The following ABTB1 variants were observed in gnomAD, a reference collection of about 807,000 sequenced individuals.
The protein encoded by ABTB1 is ankyrin repeat and BTB domain containing 1.
ABTB1 carries 45 observed loss-of-function variants against 57.1 expected under a neutral mutation model. The ratio of observed to expected loss-of-function variants is 0.79; its 90% CI spans 0.62 to 1.01. ABTB1 has a LOEUF of 1.01. Ranked by LOEUF, ABTB1 falls within the 50% of genes least tolerant of loss-of-function variation. The pLI, the probability that ABTB1 is intolerant of heterozygous loss-of-function variation, is 0.00. For synonymous variants in ABTB1, 302 were observed against 275.4 expected, an observed-to-expected ratio of 1.10 and a Z score of -0.95; for missense variants, 630 against 666.3, an observed-to-expected ratio of 0.95 and a Z score of 0.60.
rs758918781 is a variant in ABTB1 at position 127,677,765 on chromosome 3, C to T, written c.951C>T (p.Pro317=). 11 of 1,612,224 alleles carry T rather than the reference C, an allele frequency of 6.8e-6. No homozygotes were observed. The highest frequency in any genetic ancestry group is 9.3e-6 in the Non-Finnish European group (11 of 1,179,390). ...AGGAGCCAGCGACCTCAGGGGGCCC[C>T]CCAGCCGTCACCCTGCATGGCATCT... ...ESEEPATSGG[P]PAVTLHGISP... The change falls in exon 10 of 12, where the codon CCC becomes CCT. Residue 317 remains proline, a synonymous_variant. Transcript: ENST00000232744.
At chr3:127,677,922 G>T (rs1385893445) in intron 10 of ABTB1, 79 bp downstream of exon 10, 7 of 1,523,734 alleles carry the variant, frequency 4.6e-6, no homozygotes, top group Non-Finnish European at 4.4e-6. Flanking sequence ...GGCCCTGGGG[G>T]TCTGTGGAAG....
rs1559887938 is a variant in ABTB1, at chr3:127,677,496, C to T, written c.794C>T (p.Pro265Leu). Residue 265 changes from proline (P) to leucine (L), a missense_variant, in exon 9 of 12, where the codon CCT (proline) becomes CTT (leucine). Pro to Leu is a moderately conservative substitution (Grantham distance 98). This residue lies in a region of ABTB1 where 579 missense variants were observed against 585.9 expected (regional missense o/e 0.99). Transcript: ENST00000232744. ...GDLWELPFPC[P>L]DGFNSCPDIC... Reference sequence around the variant, plus strand: ...CTTTGGGAGCTGCCCTTCCCTTGTCCTGACGGCTTCAACAGCTGCCCTGAC... The same window carrying T: ...CTTTGGGAGCTGCCCTTCCCTTGTCTTGACGGCTTCAACAGCTGCCCTGAC... 6.2e-7 allele frequency: 1 copy of T among 1,614,140 alleles called. No homozygotes were observed. Among genetic ancestry groups the T allele is most frequent in the African/African-American group, 1.3e-5 (1 of 75,040 alleles).
rs35237193 is a variant in ABTB1 at position 127,677,226 on chromosome 3, C to T, written c.702C>T (p.Asp234=). ...TGACCATCGAGCCCCCACCTGCAGACCCCCGCCTCCGGGAGGACATGGCGC... is the reference window on the plus strand; with the variant it reads ...TGACCATCGAGCCCCCACCTGCAGATCCCCGCCTCCGGGAGGACATGGCGC... The part of the protein sequence containing the change: ...KVLTIEPPPA[D]PRLREDMALL... The change falls in exon 8 of 12, where the codon GAC becomes GAT. Residue 234 remains aspartate (D), a synonymous_variant. Transcript: ENST00000232744. 6.7e-4 allele frequency: 1,072 copies of T among 1,606,252 alleles called. 14 individuals carry two copies. In the African/African-American group the frequency reaches 0.013, roughly 19 times the overall value.
intron 8 of ABTB1, 55 bp from the exon 9 acceptor site, chr3:127,677,410 G>A: frequency 6.3e-7 from 1 of 1,598,070 alleles, no homozygotes; most frequent in East Asian, 2.2e-5. Flanking sequence ...TCTGAACCTA[G>A]TCGTTCACTT....
rs748080485 is a variant in ABTB1, at chr3:127,680,649, C to T, written c.*174C>T. ...GAGCCTGGAGACCCCAGGGGAGGATCCATTTGGGATGAGCCCCCTCCCCCC... is the reference window on the plus strand; with the variant it reads ...GAGCCTGGAGACCCCAGGGGAGGATTCATTTGGGATGAGCCCCCTCCCCCC... On this transcript the variant is annotated 3_prime_UTR_variant, in exon 12 of 12. Coordinates refer to ENST00000232744, the MANE Select transcript of ABTB1 (RefSeq NM_172027.3). 1 of 859,578 alleles carries T rather than the reference C, an allele frequency of 1.2e-6. No individual in the cohort carries two copies. Among genetic ancestry groups the T allele is most frequent in the Non-Finnish European group, 1.9e-6 (1 of 524,060 alleles). The allele number at this position is 859,578 out of a possible 1,614,324, so 53.2% of individuals were successfully genotyped here. A position where few individuals can be genotyped will look rare whatever the true frequency, so the allele number is the denominator to read the frequency against.
At position 127,680,339 on chromosome 3, in the gene ABTB1, C is replaced by T. The variant is rs766497757; in HGVS notation, c.1301C>T (p.Thr434Met). ...EAAAVAARQE[T>M]DSIPLVDDIR... Reference sequence around the variant, plus strand: ...GCGGCTGTGGCAGCCCGGCAGGAGACGGACTCTATCCCGCTGGTGGACGAC... The same window carrying T: ...GCGGCTGTGGCAGCCCGGCAGGAGATGGACTCTATCCCGCTGGTGGACGAC... The change falls in exon 12 of 12, where the codon ACG becomes ATG. Residue 434 changes from threonine (T) to methionine (M), a missense_variant. Around this residue, in one of 3 missense-constraint regions of ABTB1, gnomAD observed 8 missense variants for 24.2 expected, o/e 0.33. Coordinates refer to ENST00000232744, the MANE Select transcript of ABTB1 (RefSeq NM_172027.3). 9.9e-6 allele frequency: 16 copies of T among 1,609,800 alleles called. No individual in the cohort carries two copies. The highest frequency in any genetic ancestry group is 9.3e-5 in the African/African-American group (7 of 74,894).
Position 127,674,449 on chromosome 3 carries a change from C to A in ABTB1, c.115C>A (p.Pro39Thr), listed in dbSNP as rs2074928839. 6.2e-7 allele frequency: 1 copy of A among 1,611,020 alleles called. No homozygotes were observed. Among genetic ancestry groups the A allele is most frequent in the Non-Finnish European group, 8.5e-7 (1 of 1,178,048 alleles). ...TGTGCGGGACAAGTGGGACAGCACC[C>A]CCTTGTGAGTGCTGGAGAGAGGGGT... The part of the protein sequence containing the change: ...VNVRDKWDST[P>T]LYYACLCGHE... Residue 39 changes from proline to threonine, a missense_variant, in exon 2 of 12, where the codon CCC (proline) becomes ACC (threonine). By Grantham distance (38) the Pro-to-Thr change is conservative (BLOSUM62 -1). This residue lies in a region of ABTB1 where 579 missense variants were observed against 585.9 expected (regional missense o/e 0.99). Transcript: ENST00000232744.
At chr3:127,674,134 C>G (rs1286624130) in intron 1 of ABTB1, 6 of 534,936 alleles carry the variant, frequency 1.1e-5, no homozygotes, top group Non-Finnish European at 2.0e-5. Context: ...GGCACTGGCT[C>G]TGGCTTCTGT....
Position 127,676,839 on chromosome 3 carries a change from T to C in ABTB1, c.527-128T>C. On this transcript the variant is annotated intron_variant, in intron 6 of 11. Transcript: ENST00000232744. This position sits in a 1 kb window ranked among gnomAD's most constrained non-coding sequence, Gnocchi z 5.4. ...AGAACAGCTTTTGATGGGGAAACCATGGTGGCAAGTGGGCCCAGGAGTCCT... is the reference window on the plus strand; with the variant it reads ...AGAACAGCTTTTGATGGGGAAACCACGGTGGCAAGTGGGCCCAGGAGTCCT... 1 of 971,402 alleles carries C rather than the reference T, an allele frequency of 1.0e-6. No homozygotes were observed. Among genetic ancestry groups the C allele is most frequent in the South Asian group, 1.6e-5 (1 of 62,902 alleles). The allele number at this position is 971,402 out of a possible 1,614,324, so 60.2% of individuals were successfully genotyped here.
chr3:127,680,606 G>A lies in ABTB1; in HGVS notation c.*131G>A. On this transcript the variant is annotated 3_prime_UTR_variant, in exon 12 of 12. Transcript: ENST00000232744. ...ATGGGGGGTGCGAGGGGCTCAGTGG[G>A]GCTTCTCTTCCCTCCATGAGCCTGG... 1 of 1,151,922 alleles carries A rather than the reference G, an allele frequency of 8.7e-7. No homozygotes were observed. The allele number at this position is 1,151,922 out of a possible 1,614,324, so 71.4% of individuals were successfully genotyped here. A position where few individuals can be genotyped will look rare whatever the true frequency, so the allele number is the denominator to read the frequency against.
At position 127,675,957 on chromosome 3, in the gene ABTB1, C is replaced by G; in HGVS notation, c.176-13C>G. The G allele has an allele frequency of 6.2e-7, 1 of 1,601,696 alleles. No homozygotes were observed. The highest frequency in any genetic ancestry group is 1.1e-5 in the South Asian group (1 of 90,768). Reference sequence around the variant, plus strand: ...CCCCTTCCCTGCTAACTGGTGAGCCCTGCCTCCCCCAGGAGCCCGCTGCGA... The same window carrying G: ...CCCCTTCCCTGCTAACTGGTGAGCCGTGCCTCCCCCAGGAGCCCGCTGCGA... On this transcript the variant is annotated splice_polypyrimidine_tract_variant and intron_variant, in intron 3 of 11. Coordinates refer to ENST00000232744, the MANE Select transcript of ABTB1 (RefSeq NM_172027.3).
At chr3:127,677,106 G>A (rs775357780) in intron 7 of ABTB1, 23 bp downstream of exon 7, 11 of 1,613,490 alleles carry the variant, frequency 6.8e-6, no homozygotes, top group East Asian at 2.2e-5. Context: ...TTTGGGGCCC[G>A]GGGCCATGGG....
chr3:127,679,351 G>A (rs960147226), intron 10 of ABTB1: 2 of 350,414 alleles, frequency 5.7e-6, no homozygotes, highest in African/African-American at 2.1e-5. Flanking sequence ...TAATGTGGTC[G>A]CAGAGCTCCC....
chr3:127,679,783 C>G, intron 10 of ABTB1: 1 of 358,822 alleles, frequency 2.8e-6, no homozygotes, highest in Non-Finnish European at 5.5e-6. Flanking sequence ...AGTCTTCTGC[C>G]CCCTAGCGGT....
intron 3 of ABTB1, 178 bp from the exon 4 acceptor site, chr3:127,675,792 C>T (rs2074967019): frequency 1.4e-6 from 1 of 740,380 alleles, no homozygotes; most frequent in African/African-American, 1.8e-5. Flanking sequence ...ACAGACGTGC[C>T]CATTCGCCTA....
In ABTB1 at chr3:127,676,638, A is replaced by G. The variant is rs2074990528; in HGVS notation, c.526+57A>G. 2 of 1,600,438 alleles carry G rather than the reference A, an allele frequency of 1.2e-6. No homozygotes were observed. Among genetic ancestry groups the G allele is most frequent in the Non-Finnish European group, 1.7e-6 (2 of 1,169,614 alleles). On this transcript the variant is annotated intron_variant, in intron 6 of 11. Transcript: ENST00000232744. This position sits in a 1 kb window ranked among gnomAD's most constrained non-coding sequence, Gnocchi z 5.4. Reference sequence around the variant, plus strand: ...GGAGTGGGCCGTCCTTCTGGACAGCAGTACACCTAGGTGTGGCTGGGCTGA... The same window carrying G: ...GGAGTGGGCCGTCCTTCTGGACAGCGGTACACCTAGGTGTGGCTGGGCTGA...
At position 127,677,014 on chromosome 3, in the gene ABTB1, G is replaced by A. The variant is rs2074998678; in HGVS notation, c.574G>A (p.Ala192Thr). Reference protein sequence around the residue: ...VEHVSDCERLAKQCQLWDLLS... With the variant: ...VEHVSDCERLTKQCQLWDLLS... ...GCATGTGAGTGACTGTGAGCGCCTGGCCAAGCAATGCCAGCTGTGGGACCT... is the reference window on the plus strand; with the variant it reads ...GCATGTGAGTGACTGTGAGCGCCTGACCAAGCAATGCCAGCTGTGGGACCT... Residue 192 changes from alanine (A) to threonine (T), a missense_variant, in exon 7 of 12, where the codon GCC (alanine) becomes ACC (threonine). By Grantham distance (58) the Ala-to-Thr change is moderately conservative. Transcript: ENST00000232744. 1 of 1,613,972 alleles carries A rather than the reference G, an allele frequency of 6.2e-7. No homozygotes were observed. Among genetic ancestry groups the A allele is most frequent in the Admixed American group, 1.7e-5 (1 of 59,998 alleles).
At chr3:127,673,482 G>C (rs1249341603) in intron 1 of ABTB1, 1 of 159,300 alleles carries the variant, frequency 6.3e-6, no homozygotes, top group Non-Finnish European at 1.4e-5. Flanking sequence ...GACCTGGCGC[G>C]GGGAACACCT....
intron 10 of ABTB1, chr3:127,679,212 G>T: frequency 8.1e-6 from 2 of 247,464 alleles, no homozygotes; most frequent in South Asian, 7.1e-5. Context: ...TGTGATCTTG[G>T]GCCAGTTACT....
Sources: gnomAD v4.1 joint callset for allele counts on GRCh38, gnomAD v4.1.1 for gene constraint, gnomAD v4.1.1 regional missense constraint, Gnocchi (gnomAD v3.1) non-coding constraint, MANE v1.5 for transcripts, NCBI Gene and HGNC (gene_info 2026-07-23, HGNC 2026-07-21) for gene names.